The following KCP variants were observed in gnomAD, a reference collection of about 807,000 sequenced individuals.
KCP encodes kielin/chordin-like protein.
A neutral mutation model predicts 212.7 loss-of-function variants in KCP; 194 were observed. The ratio of observed to expected loss-of-function variants is 0.91; its 90% CI spans 0.81 to 1.03. The LOEUF (loss-of-function observed/expected upper bound fraction) is 1.03. Among genes scored for constraint, KCP ranks in the 50% least tolerant of loss-of-function variants. The probability of loss-of-function intolerance (pLI) is 0.00; values close to 1 mark genes in which losing one functional copy is unlikely to be tolerated. For synonymous variants in KCP, 833 were observed against 865.3 expected (o/e 0.96, Z 0.65); for missense variants, 2,080 against 2,162.5 (o/e 0.96, Z 0.76).
Position 128,889,124 on chromosome 7 carries a change from T to G in KCP, c.2336-85A>C. The G allele has an allele frequency of 1.9e-6, 2 of 1,050,140 alleles. 1 individual carries two copies. The highest frequency in any genetic ancestry group is 4.0e-5 in the South Asian group (2 of 49,636). 65.1% of individuals were successfully genotyped at this position (1,050,140 alleles called of 1,614,324 possible). On this transcript the variant is annotated intron_variant, in intron 21 of 39. Transcript: ENST00000610776. ...GTCATAGGCTCTGAGCTTGGGCCTG[T>G]TATGCATCCAAGATCTCAAAGATCT...
At chr7:128,895,752 A>G (rs548313119) in intron 8 of KCP, among the ~76,000 whole-genome samples, 17 of 152,214 alleles carry the variant, frequency 1.1e-4, no homozygotes, top group African/African-American at 4.1e-4. Context: ...TCACTGCTAC[A>G]CTCCCATCAG....
chr7:128,907,350 C>T lies in KCP; in HGVS notation c.323G>A (p.Arg108His), dbSNP rs572665365. The change falls in exon 3 of 40, where the codon CGC (arginine) becomes CAC (histidine). Residue 108 changes from arginine to histidine, a missense_variant. Arg to His is a conservative substitution (Grantham distance 29). Coordinates refer to ENST00000610776, the MANE Select transcript of KCP (RefSeq NM_001366122.1). ...GGCTGTGCAGGCGTCAGGCTCCCAG[C>T]GTGCCCCCTCGGGCCAGGCACGCCC... ...GLGRAWPEGA[R>H]WEPDACTACV... 7 of 1,542,908 alleles carry T rather than the reference C, an allele frequency of 4.5e-6. No individual in the cohort carries two copies. The highest frequency in any genetic ancestry group is 2.7e-5 in the African/African-American group (2 of 73,002).
At chr7:128,886,846 T>C in intron 24 of KCP, 30 bp downstream of exon 24, 1 of 1,411,066 alleles carries the variant, frequency 7.1e-7, no homozygotes, top group Non-Finnish European at 9.7e-7. Context: ...GGGAAGGGCA[T>C]GGGGGCCGCG....
rs1222510328 is a variant in KCP, at chr7:128,886,978, A to G, written c.2599-12T>C. 1.4e-6 allele frequency: 2 copies of G among 1,417,460 alleles called. No individual in the cohort carries two copies. The highest frequency in any genetic ancestry group is 1.9e-6 in the Non-Finnish European group (2 of 1,028,984). The allele number at this position is 1,417,460 out of a possible 1,614,324, so 87.8% of individuals were successfully genotyped here. ...CGCATGGAACCTTCCTGGGGGAGAG[A>G]GGCCCATCACACCCTCAACTGGACT... is the stretch of plus-strand genomic sequence containing the variant. On this transcript the variant is annotated splice_polypyrimidine_tract_variant and intron_variant, in intron 23 of 39. Transcript: ENST00000610776.
Position 128,878,544 on chromosome 7 carries a change from C to T in KCP, c.4311+14G>A, listed in dbSNP as rs575881236. 1.4e-5 allele frequency: 22 copies of T among 1,549,860 alleles called. No individual in the cohort carries two copies. The African/African-American group carries it at 2.7e-4, about 19-fold the overall frequency. ...TCTCCCCTAATCCCCATCCCCGGTT[C>T]CTGTACCACTCACCTGCCAGCTATT... On this transcript the variant is annotated intron_variant, in intron 38 of 39. Coordinates refer to ENST00000610776, the MANE Select transcript of KCP (RefSeq NM_001366122.1).
Position 128,886,866 on chromosome 7 carries a change from G to T in KCP, c.2689+10C>A. 6.6e-7 allele frequency: 1 copy of T among 1,507,054 alleles called. No individual in the cohort carries two copies. Among genetic ancestry groups the T allele is most frequent in the Non-Finnish European group, 9.0e-7 (1 of 1,110,436 alleles). The allele number at this position is 1,507,054 out of a possible 1,614,324, so 93.4% of individuals were successfully genotyped here. On this transcript the variant is annotated intron_variant, in intron 24 of 39. Transcript: ENST00000610776. ...GGGCATGGGGGCCGCGCATGAGGAA[G>T]GCAGCTCACTGTGGCAAACAGGGCA...
intron 2 of KCP, 143 bp downstream of exon 2, chr7:128,908,283 A>AAAGAAAGAAAGAAAGAAAGAAAG: frequency 3.5e-6 from 2 of 563,776 alleles, no homozygotes; most frequent in Non-Finnish European, 5.2e-6. Context: ...AGAAAGAAAG[A>AAAGAAAGAAAGAAAGAAAGAAAG]AAGAAAGAAA....
chr7:128,907,239 A>T, intron 3 of KCP, 25 bp downstream of exon 3: 1 of 1,537,246 alleles, frequency 6.5e-7, no homozygotes, highest in Non-Finnish European at 8.8e-7. Flanking sequence ...AGGTGGCCCC[A>T]GTGGGCGGAT....
Position 128,892,714 on chromosome 7 carries a change from T to C in KCP, c.1501A>G (p.Ser501Gly). ...TGACAGTGGCAGGCATGGCAAGGGC[T>C]GTCTGCATCCGTGAAGTTCTGCCCA... The part of the protein sequence containing the change: ...ANGQNFTDAD[S>G]PCHACHCQDG... Residue 501 changes from serine (S) to glycine (G), a missense_variant, in exon 15 of 40, where the codon AGC becomes GGC. Transcript: ENST00000610776. The C allele has an allele frequency of 1.3e-6, 2 of 1,551,638 alleles. No homozygotes were observed. The highest frequency in any genetic ancestry group is 1.7e-6 in the Non-Finnish European group (2 of 1,146,950).
chr7:128,903,471 G>C (rs187677074), intron 7 of KCP: 18 of 549,906 alleles, frequency 3.3e-5, no homozygotes, highest in African/African-American at 1.3e-4. Flanking sequence ...CATGATTGGG[G>C]AGCACAAAGT....
At chr7:128,883,502 G>A (rs1793455104) in intron 29 of KCP, among the ~76,000 whole-genome samples, 1 of 152,052 alleles carries the variant, frequency 6.6e-6, no homozygotes, top group South Asian at 2.1e-4. Flanking sequence ...TTCAGTGTTG[G>A]TATAGGACCA....
intron 8 of KCP, among the ~76,000 whole-genome samples, chr7:128,894,507 T>C (rs562811177): frequency 2.6e-5 from 4 of 152,232 alleles, no homozygotes; most frequent in African/African-American, 9.6e-5. Flanking sequence ...TTAGTTAAGA[T>C]GAGGTCATAC....
In KCP at chr7:128,886,752, C is replaced by T. The variant is rs1449794429; in HGVS notation, c.2690-15G>A. 13 of 1,550,928 alleles carry T rather than the reference C, an allele frequency of 8.4e-6. No homozygotes were observed. In the South Asian group the frequency reaches 1.4e-4, roughly 17 times the overall value. On this transcript the variant is annotated splice_polypyrimidine_tract_variant and intron_variant, in intron 24 of 39. Coordinates refer to ENST00000610776, the MANE Select transcript of KCP (RefSeq NM_001366122.1). ...AGAGAGACAGCCTGTGGGGGACACACCTCCTGGGTGGGGGGCCTGTGCCAC... is the reference window on the plus strand; with the variant it reads ...AGAGAGACAGCCTGTGGGGGACACATCTCCTGGGTGGGGGGCCTGTGCCAC...
At chr7:128,904,236 T>G in intron 5 of KCP, 98 bp from the exon 6 acceptor site, 3 of 1,533,058 alleles carry the variant, frequency 2.0e-6, no homozygotes, top group Non-Finnish European at 2.7e-6. Flanking sequence ...ACTGGACCCT[T>G]GGGGTTGAAG....
At chr7:128,910,556 G>A in intron 1 of KCP, 45 bp downstream of exon 1, 1 of 1,484,490 alleles carries the variant, frequency 6.7e-7, no homozygotes, top group Non-Finnish European at 8.9e-7. Flanking sequence ...TAGGAGGGAG[G>A]GGGCGCACCT....
Position 128,881,626 on chromosome 7 carries a change from C to T in KCP, c.3424G>A (p.Glu1142Lys). Residue 1142 changes from glutamate (E) to lysine (K), a missense_variant and splice_region_variant, in exon 31 of 40, where the codon GAA becomes AAA. Coordinates refer to ENST00000610776, the MANE Select transcript of KCP (RefSeq NM_001366122.1). ...GTGGAGGCCAAGGCTGGGCACTTAC[C>T]CCGGCATACGGGGCAGCAGCTCCCA... ...PPGSCCPVCR[E>K]CVVEAEGRRV... 7 of 1,492,574 alleles carry T rather than the reference C, an allele frequency of 4.7e-6. No homozygotes were observed. The highest frequency in any genetic ancestry group is 6.2e-6 in the Non-Finnish European group (7 of 1,125,324). The allele number at this position is 1,492,574 out of a possible 1,614,324, so 92.5% of individuals were successfully genotyped here.
chr7:128,910,239 T>C (rs1466214838), intron 1 of KCP, among the ~76,000 whole-genome samples: 1 of 152,194 alleles, frequency 6.6e-6, no homozygotes, highest in Non-Finnish European at 1.5e-5. Context: ...TTCCCGCCTG[T>C]CCTGCTCCGG....
In KCP at chr7:128,877,014, G is replaced by C; in HGVS notation, c.*29C>G. The C allele has an allele frequency of 6.5e-7, 1 of 1,535,826 alleles. No individual in the cohort carries two copies. The highest frequency in any genetic ancestry group is 8.7e-7 in the Non-Finnish European group (1 of 1,143,024). On this transcript the variant is annotated 3_prime_UTR_variant, in exon 40 of 40. Coordinates refer to ENST00000610776, the MANE Select transcript of KCP (RefSeq NM_001366122.1). ...CTCGCCAAGGGGAGACTCCTGGCCT[G>C]ATGAACCCTTATCAGGCACTGTCCT...
chr7:128,905,784 G>C (rs1795093587), intron 5 of KCP, among the ~76,000 whole-genome samples: 1 of 151,930 alleles, frequency 6.6e-6, no homozygotes, highest in African/African-American at 2.4e-5. Flanking sequence ...TCTCCACCCT[G>C]TCCTTGTGCC....
Sources: allele counts gnomAD v4.1 joint callset (sites outside exome capture counted in the v4.1 genomes callset), GRCh38; gene constraint gnomAD v4.1.1; transcripts MANE v1.5; gene names NCBI Gene and HGNC (gene_info 2026-07-23, HGNC 2026-07-21).